Variants in GABRB1 observed in about 807,000 individuals in gnomAD.
The protein encoded by GABRB1 is gamma-aminobutyric acid receptor subunit beta-1.
A neutral mutation model predicts 51.6 loss-of-function variants in GABRB1; 17 were observed. The observed-to-expected ratio is 0.33, with a 90% CI of 0.23 to 0.49. GABRB1 has a LOEUF of 0.49. GABRB1 is among the 20% of genes least tolerant of loss of function. GABRB1 has a pLI of 0.99. For missense variants in GABRB1, 410 were observed against 600.6 expected (o/e 0.68, Z 3.32); for synonymous variants, 247 against 218.9 (o/e 1.13, Z -1.14).
intron 4 of GABRB1, among the ~76,000 whole-genome samples, chr4:47,311,710 G>GCCAC (rs1724694455): frequency 6.6e-6 from 1 of 152,178 alleles, no homozygotes; most frequent in African/African-American, 2.4e-5. Flanking sequence ...CACTAAGCTT[G>GCCAC]TGGTACCTTG....
rs77662264 is a variant in GABRB1, at chr4:47,122,172, T to C, written c.241-39077T>C. On this transcript the variant is annotated intron_variant, in intron 3 of 8. Transcript: ENST00000295454. ...CTGAGCTTATACCTCCAAAATCACA[T>C]AACTGGATTTATGCTTGAAAACTTT... Among the ~76,000 whole-genome samples, 41 of 152,328 alleles carry C rather than the reference T, an allele frequency of 2.7e-4. 1 individual carries two copies. The East Asian group carries it at 7.1e-3, about 26-fold the overall frequency.
intron 4 of GABRB1, among the ~76,000 whole-genome samples, chr4:47,217,551 A>C (rs1292124778): frequency 6.6e-6 from 1 of 151,782 alleles, no homozygotes; most frequent in Non-Finnish European, 1.5e-5. Context: ...CAACTCATGA[A>C]CACCACAAAT....
chr4:47,254,698 A>AAAAT (rs367696346), intron 4 of GABRB1, among the ~76,000 whole-genome samples: 12 of 152,210 alleles, frequency 7.9e-5, no homozygotes, highest in African/African-American at 2.9e-4. Context: ...CAACTCCCAT[A>AAAAT]AAATAGGCTG....
At chr4:47,031,446 G>T (rs1409146266), upstream of GABRB1, 4 of 583,586 alleles carry the variant, frequency 6.9e-6, no homozygotes, top group Non-Finnish European at 1.2e-5. Context: ...CGGAGGACAT[G>T]GAGCACCCCA....
At chr4:47,249,677 A>T (rs754874310) in intron 4 of GABRB1, among the ~76,000 whole-genome samples, 31 of 152,164 alleles carry the variant, frequency 2.0e-4, no homozygotes, top group Non-Finnish European at 4.4e-4. Flanking sequence ...ACCATTATAA[A>T]ATGTCCCTCT....
At chr4:47,225,053 C>T (rs902548801) in intron 4 of GABRB1, among the ~76,000 whole-genome samples, 1 of 152,042 alleles carries the variant, frequency 6.6e-6, no homozygotes, top group Non-Finnish European at 1.5e-5. Context: ...CACCACCATA[C>T]CGGGCTAATT....
At chr4:47,370,095 AAC>A (rs1283356334) in intron 5 of GABRB1, among the ~76,000 whole-genome samples, 6 of 151,744 alleles carry the variant, frequency 4.0e-5, no homozygotes, top group African/African-American at 7.3e-5. Context: ...GACACACACA[AAC>A]ACACACACAC....
intron 1 of GABRB1, among the ~76,000 whole-genome samples, chr4:47,019,625 C>CTTTCTT (rs1553909518): frequency 3.1e-4 from 28 of 91,064 alleles, no homozygotes; most frequent in Admixed American, 3.1e-3. Flanking sequence ...TTCTTTCTCT[C>CTTTCTT]TCTTTCTTTC....
intron 1 of GABRB1, among the ~76,000 whole-genome samples, chr4:47,015,096 C>A (rs1724706051): frequency 6.6e-6 from 1 of 152,090 alleles, no homozygotes; most frequent in South Asian, 2.1e-4. Flanking sequence ...TTAGTAGAGA[C>A]AGGGTTTCAC....
chr4:47,041,242 A>G (rs989324170), intron 3 of GABRB1, among the ~76,000 whole-genome samples: 4 of 152,164 alleles, frequency 2.6e-5, no homozygotes, highest in Non-Finnish European at 4.4e-5. Flanking sequence ...CACAAGAATG[A>G]AAACATTTGA....
At chr4:47,331,915 G>A (rs142110942) in intron 5 of GABRB1, among the ~76,000 whole-genome samples, 4 of 152,240 alleles carry the variant, frequency 2.6e-5, no homozygotes, top group Non-Finnish European at 5.9e-5. Flanking sequence ...GCAAGTCTAC[G>A]ATTTAGCCCT....
chr4:47,169,236 A>G (rs1035674451), intron 4 of GABRB1, among the ~76,000 whole-genome samples: 3 of 152,114 alleles, frequency 2.0e-5, no homozygotes, highest in Admixed American at 2.0e-4. Flanking sequence ...ACTACTCTCT[A>G]AAAAAGGACT....
At chr4:47,257,785 A>G (rs1160628520) in intron 4 of GABRB1, among the ~76,000 whole-genome samples, 1 of 152,038 alleles carries the variant, frequency 6.6e-6, no homozygotes, top group Non-Finnish European at 1.5e-5. Context: ...ACTTTGTTCT[A>G]AGTGACCATA....
intron 3 of GABRB1, among the ~76,000 whole-genome samples, chr4:47,108,121 A>C (rs1159663862): frequency 6.6e-6 from 1 of 152,038 alleles, no homozygotes; most frequent in Non-Finnish European, 1.5e-5. Context: ...CATGTTATTC[A>C]TCTCTGAACT....
intron 3 of GABRB1, among the ~76,000 whole-genome samples, chr4:47,073,202 T>A (rs1378986113): frequency 6.6e-6 from 1 of 152,192 alleles, no homozygotes; most frequent in Non-Finnish European, 1.5e-5. Flanking sequence ...ATCAATGACG[T>A]TGCTGGAAAG....
chr4:47,171,345 A>G (rs1186433572), intron 4 of GABRB1, among the ~76,000 whole-genome samples: 1 of 152,100 alleles, frequency 6.6e-6, no homozygotes, highest in African/African-American at 2.4e-5. Flanking sequence ...AAAAACAAAT[A>G]TCTCAGAAAT....
At chr4:47,055,654 A>T (rs754145372) in intron 3 of GABRB1, among the ~76,000 whole-genome samples, 1 of 152,096 alleles carries the variant, frequency 6.6e-6, no homozygotes, top group African/African-American at 2.4e-5. Flanking sequence ...CTAGGGCCCA[A>T]ATGGACCCAT....
intron 3 of GABRB1, among the ~76,000 whole-genome samples, chr4:47,041,514 T>G (rs530114024): frequency 1.3e-5 from 2 of 151,930 alleles, no homozygotes; most frequent in South Asian, 4.2e-4. Flanking sequence ...CAGGAAAAAT[T>G]AGAGGTTAGA....
Position 47,034,132 on chromosome 4 carries a change from A to T in GABRB1, c.240+1648A>T, listed in dbSNP as rs143627004. On this transcript the variant is annotated intron_variant, in intron 3 of 8. Transcript: ENST00000295454. ...TCTTGTAAGCATCCACAGATAATTG[A>T]TAAAATAGAAGATTTAAAAAGCTCA... is the stretch of plus-strand genomic sequence containing the variant. Among the ~76,000 whole-genome samples the T allele has an allele frequency of 2.4e-4, 37 of 152,336 alleles. 1 individual carries two copies. Among genetic ancestry groups the T allele is most frequent in the African/African-American group, 8.9e-4 (37 of 41,592 alleles).
Sources: allele counts gnomAD v4.1 joint callset (sites outside exome capture counted in the v4.1 genomes callset), GRCh38; gene constraint gnomAD v4.1.1; transcripts MANE v1.5; gene names NCBI Gene and HGNC (gene_info 2026-07-23, HGNC 2026-07-21).